GABRA3: variants seen among roughly 807,000 people sequenced by gnomAD.
The protein encoded by GABRA3 is gamma-aminobutyric acid receptor subunit alpha-3.
Under a neutral mutation model 30.1 loss-of-function variants are expected in GABRA3, and 10 were observed. That is an observed-to-expected ratio of 0.33 (90% confidence interval 0.20 to 0.56). The LOEUF (loss-of-function observed/expected upper bound fraction) is 0.56. GABRA3 is among the 20% of genes least tolerant of loss of function. GABRA3 has a pLI of 0.89. For synonymous variants in GABRA3, 151 were observed against 146.8 expected, an observed-to-expected ratio of 1.03 and a Z score of -0.21; for missense variants, 233 against 392.0, an observed-to-expected ratio of 0.59 and a Z score of 3.42.
chrX:152,246,369 A>C (rs1053883844), intron 5 of GABRA3, among the ~76,000 whole-genome samples: 3 of 111,635 alleles, frequency 2.7e-5, no homozygotes, highest in Non-Finnish European at 5.7e-5. Flanking sequence ...GAACTGGCAA[A>C]AATGAAATAA....
chrX:152,294,084 G>A (rs1939477310), intron 3 of GABRA3, among the ~76,000 whole-genome samples: 1 of 111,278 alleles, frequency 9.0e-6, no homozygotes, highest in Non-Finnish European at 1.9e-5. Flanking sequence ...CAACCTTGGT[G>A]AATCTGACCA....
intron 4 of GABRA3, among the ~76,000 whole-genome samples, chrX:152,279,842 G>T (rs1238609952): frequency 9.0e-6 from 1 of 111,165 alleles, no homozygotes; most frequent in Non-Finnish European, 1.9e-5. Context: ...TTGCAAGTTG[G>T]ATTCCTAGGT....
At chrX:152,331,027 A>C (rs1300374235) in intron 3 of GABRA3, among the ~76,000 whole-genome samples, 1 of 110,520 alleles carries the variant, frequency 9.0e-6, no homozygotes, top group Non-Finnish European at 1.9e-5. Flanking sequence ...GTTAACATTC[A>C]GTGGAACACA....
At chrX:152,344,872 A>T (rs1448372606) in intron 3 of GABRA3, among the ~76,000 whole-genome samples, 8 of 112,127 alleles carry the variant, frequency 7.1e-5, no homozygotes, top group African/African-American at 2.6e-4. Flanking sequence ...TCTATAAAGT[A>T]CATTTTGGGG....
At chrX:152,356,500 A>G (rs1603247092) in intron 2 of GABRA3, among the ~76,000 whole-genome samples, 1 of 112,154 alleles carries the variant, frequency 8.9e-6, no homozygotes, top group Admixed American at 9.5e-5. Flanking sequence ...TCTATACTTT[A>G]AAATTATATT....
intron 1 of GABRA3, among the ~76,000 whole-genome samples, chrX:152,369,321 TG>T (rs2124498448): frequency 9.5e-6 from 1 of 105,780 alleles, no homozygotes; most frequent in African/African-American, 3.4e-5. Flanking sequence ...TGAAACATCA[TG>T]TTGTACATGG....
intron 5 of GABRA3, among the ~76,000 whole-genome samples, chrX:152,254,742 T>C (rs1019294360): frequency 8.9e-6 from 1 of 111,761 alleles, no homozygotes; most frequent in African/African-American, 3.2e-5. Flanking sequence ...ATTCACCACC[T>C]ATTTACCAGG....
At chrX:152,211,478 C>T (rs1937628331) in intron 6 of GABRA3, among the ~76,000 whole-genome samples, 1 of 111,230 alleles carries the variant, frequency 9.0e-6, no homozygotes, top group Non-Finnish European at 1.9e-5. Context: ...AAAAAATACC[C>T]TCTTCTCATA....
intron 3 of GABRA3, among the ~76,000 whole-genome samples, chrX:152,292,637 T>C (rs972466444): frequency 2.7e-5 from 3 of 111,917 alleles, no homozygotes; most frequent in African/African-American, 9.7e-5. Context: ...TTAATTATGA[T>C]GCTAGGGTTT....
chrX:152,362,626 G>C (rs1456685909), intron 2 of GABRA3, among the ~76,000 whole-genome samples: 1 of 111,789 alleles, frequency 8.9e-6, no homozygotes, highest in East Asian at 2.8e-4. Context: ...ATTTTAGGAA[G>C]TAAGACAAGG....
chrX:152,405,886 A>G (rs950373767), intron 1 of GABRA3, among the ~76,000 whole-genome samples: 1 of 111,700 alleles, frequency 9.0e-6, no homozygotes, highest in African/African-American at 3.2e-5. Context: ...GGTGTGACAC[A>G]GCACAGTCCT....
intron 4 of GABRA3, among the ~76,000 whole-genome samples, chrX:152,266,638 C>T (rs1938829620): frequency 8.9e-6 from 1 of 111,839 alleles, no homozygotes. Flanking sequence ...GAATCACTCA[C>T]AGCCTTCAGG....
chrX:152,315,643 C>T (rs1396851841), intron 3 of GABRA3, among the ~76,000 whole-genome samples: 2 of 111,148 alleles, frequency 1.8e-5, no homozygotes, highest in Admixed American at 9.5e-5. Flanking sequence ...GAAACAAACT[C>T]GGTGCCATTT....
In GABRA3 at chrX:152,210,742, T is replaced by C. The variant is rs73619394; in HGVS notation, c.635-2598A>G. Among the ~76,000 whole-genome samples the C allele has an allele frequency of 5.5e-3, 617 of 112,387 alleles. 6 individuals carry two copies. Among genetic ancestry groups the C allele is most frequent in the African/African-American group, 0.019 (599 of 30,997 alleles). ...CCTGAAGCTCCCAATTTATAACCTA[T>C]GGTCTAGAGACTTTCTCCTATAGAT... On this transcript the variant is annotated intron_variant, in intron 6 of 9. Transcript: ENST00000370314.
intron 4 of GABRA3, among the ~76,000 whole-genome samples, chrX:152,267,364 AC>A (rs2124423154): frequency 8.9e-6 from 1 of 111,928 alleles, no homozygotes; most frequent in South Asian, 3.7e-4. Flanking sequence ...GATGAATCTT[AC>A]TTGATTATGG....
intron 1 of GABRA3, among the ~76,000 whole-genome samples, chrX:152,416,426 T>C (rs1162322077): frequency 4.7e-5 from 5 of 105,845 alleles, no homozygotes; most frequent in African/African-American, 1.7e-4. Context: ...AGAATCAATA[T>C]CGTGAAAATG....
chrX:152,229,643 G>T (rs1279762526), intron 5 of GABRA3, among the ~76,000 whole-genome samples: 1 of 109,859 alleles, frequency 9.1e-6, no homozygotes, highest in Non-Finnish European at 1.9e-5. Flanking sequence ...AGGCTACTGT[G>T]GCTGTCTTGT....
intron 3 of GABRA3, among the ~76,000 whole-genome samples, chrX:152,324,835 G>A (rs750174146): frequency 9.0e-6 from 1 of 111,535 alleles, no homozygotes; most frequent in East Asian, 2.8e-4. Context: ...ATAAATACTA[G>A]GATACATAGG....
chrX:152,436,112 T>C (rs1930771488), intron 1 of GABRA3, among the ~76,000 whole-genome samples: 1 of 111,735 alleles, frequency 8.9e-6, no homozygotes, highest in African/African-American at 3.3e-5. Flanking sequence ...CCTAAAGATT[T>C]AACTCAATCC....
Sources: allele counts gnomAD v4.1 joint callset (sites outside exome capture counted in the v4.1 genomes callset), GRCh38; gene constraint gnomAD v4.1.1; transcripts MANE v1.5; gene names NCBI Gene and HGNC (gene_info 2026-07-23, HGNC 2026-07-21).